Variants in COPS4 observed in about 807,000 individuals in gnomAD.
COPS4 encodes COP9 signalosome subunit 4.
COPS4 carries 8 observed loss-of-function variants against 55.1 expected under a neutral mutation model. The ratio of observed to expected loss-of-function variants is 0.15; its 90% CI spans 0.09 to 0.26. COPS4 has a LOEUF of 0.26. COPS4 is among the 10% of genes least tolerant of loss of function. The pLI is 1.00. For synonymous variants in COPS4, 185 were observed against 165.7 expected (o/e 1.12, Z -0.90); for missense variants, 248 against 484.0 (o/e 0.51, Z 4.58).
intron 6 of COPS4, among the ~76,000 whole-genome samples, chr4:83,062,457 T>C (rs1357388636): frequency 6.6e-6 from 1 of 152,218 alleles, no homozygotes; most frequent in East Asian, 1.9e-4. Context: ...TTTGCAGATA[T>C]GTGCAGGGTG....
chr4:83,061,462 A>G (rs960515424), intron 6 of COPS4, among the ~76,000 whole-genome samples: 1 of 152,084 alleles, frequency 6.6e-6, no homozygotes, highest in Non-Finnish European at 1.5e-5. Flanking sequence ...CTTTTGCTCA[A>G]ATTTATGAAA....
intron 7 of COPS4, chr4:83,065,130 C>T (rs1731264257): frequency 3.1e-6 from 2 of 653,800 alleles, no homozygotes; most frequent in Admixed American, 2.1e-5. Context: ...CCCATCTTGG[C>T]TTCCCAAAGT....
At chr4:83,064,869 C>CTTTTTTTTTTTT (rs140166684) in intron 7 of COPS4, among the ~76,000 whole-genome samples, 59 of 73,628 alleles carry the variant, frequency 8.0e-4, no homozygotes, top group African/African-American at 1.6e-3. Flanking sequence ...TAAGCAGTCC[C>CTTTTTTTTTTTT]TTTTTTTTTT....
At chr4:83,050,214 CTTTATCAAA>C (rs1472488541) in intron 4 of COPS4, among the ~76,000 whole-genome samples, 3 of 152,102 alleles carry the variant, frequency 2.0e-5, no homozygotes, top group African/African-American at 7.2e-5. Context: ...CCTGATGTCA[CTTTATCAAA>C]GACTTGAAGG....
In COPS4 at chr4:83,057,367, C is replaced by T. The variant is rs1731042850; in HGVS notation, c.674C>T (p.Ala225Val). The T allele has an allele frequency of 6.2e-7, 1 of 1,612,664 alleles. No homozygotes were observed. Among genetic ancestry groups the T allele is most frequent in the African/African-American group, 1.3e-5 (1 of 74,824 alleles). ...GTCCACGAAAGTGAAAGACTAGAGG[C>T]CTTAAAACATGCTTTGCACTGTACG... ...TIVHESERLE[A>V]LKHALHCTIL... Residue 225 changes from alanine to valine, a missense_variant, in exon 6 of 10, where the codon GCC becomes GTC. By Grantham distance (64) the Ala-to-Val change is moderately conservative. Coordinates refer to ENST00000264389, the MANE Select transcript of COPS4 (RefSeq NM_016129.3).
At chr4:83,061,047 A>AG (rs1491121077) in intron 6 of COPS4, among the ~76,000 whole-genome samples, 2 of 150,882 alleles carry the variant, frequency 1.3e-5, no homozygotes, top group East Asian at 3.9e-4. Context: ...AAAAAAAATA[A>AG]TAATAATAAT....
At chr4:83,037,726 G>T (rs1020834743) in intron 1 of COPS4, among the ~76,000 whole-genome samples, 1 of 151,978 alleles carries the variant, frequency 6.6e-6, no homozygotes, top group Non-Finnish European at 1.5e-5. Flanking sequence ...AGTAACAAAG[G>T]ATTCCATATT....
At chr4:83,067,622 C>A (rs2126134384) in intron 8 of COPS4, among the ~76,000 whole-genome samples, 1 of 151,918 alleles carries the variant, frequency 6.6e-6, no homozygotes, top group Admixed American at 6.6e-5. Flanking sequence ...CTTCGGCCTC[C>A]CAAAGTGCTG....
intron 9 of COPS4, among the ~76,000 whole-genome samples, chr4:83,071,088 A>G (rs1731418486): frequency 6.6e-6 from 1 of 152,104 alleles, no homozygotes; most frequent in Non-Finnish European, 1.5e-5. Flanking sequence ...GCTTTAAATT[A>G]TATATTCTCA....
intron 4 of COPS4, among the ~76,000 whole-genome samples, chr4:83,055,598 T>C (rs1398174571): frequency 1.3e-5 from 2 of 151,880 alleles, no homozygotes; most frequent in Non-Finnish European, 2.9e-5. Context: ...CATGTGCCTC[T>C]ATGCCTGGCT....
chr4:83,059,867 A>AT (rs1283218365), intron 6 of COPS4, among the ~76,000 whole-genome samples: 2 of 151,494 alleles, frequency 1.3e-5, no homozygotes, highest in Non-Finnish European at 2.9e-5. Context: ...CACCTGGCTA[A>AT]TTTTTTGTAT....
intron 4 of COPS4, among the ~76,000 whole-genome samples, chr4:83,052,702 C>G (rs989182646): frequency 4.6e-5 from 7 of 152,036 alleles, no homozygotes; most frequent in African/African-American, 1.7e-4. Flanking sequence ...TGTCCGTCTC[C>G]TAGCATCCCA....
At chr4:83,042,694 C>T (rs1279819412) in intron 1 of COPS4, among the ~76,000 whole-genome samples, 1 of 152,034 alleles carries the variant, frequency 6.6e-6, no homozygotes, top group Non-Finnish European at 1.5e-5. Flanking sequence ...CCTCCACCTC[C>T]TGGGCTCAGG....
intron 1 of COPS4, among the ~76,000 whole-genome samples, chr4:83,043,724 G>A (rs1578704179): frequency 1.3e-5 from 2 of 151,932 alleles, no homozygotes; most frequent in East Asian, 3.8e-4. Context: ...ACAAACCATT[G>A]AATGTATAAC....
chr4:83,036,098 A>G (rs955683631), intron 1 of COPS4: 1 of 152,212 alleles, frequency 6.6e-6, no homozygotes, highest in Admixed American at 6.5e-5. Flanking sequence ...TGTAATGAAC[A>G]TGCTTTCTGT....
At chr4:83,071,122 AATTTATTTTAGT>A (rs1213589362) in intron 9 of COPS4, among the ~76,000 whole-genome samples, 3 of 152,104 alleles carry the variant, frequency 2.0e-5, no homozygotes, top group Non-Finnish European at 4.4e-5. Flanking sequence ...TTCTTCCTAG[AATTTATTTTAGT>A]TATTTTCAGT....
At chr4:83,055,036 A>G (rs1730981305) in intron 4 of COPS4, among the ~76,000 whole-genome samples, 1 of 152,270 alleles carries the variant, frequency 6.6e-6, no homozygotes, top group Admixed American at 6.5e-5. Flanking sequence ...GCAAGGAATA[A>G]ATTTGCATAA....
Position 83,075,425 on chromosome 4 carries a change from C to T in COPS4, c.1216C>T (p.Gln406Ter). Residue 406 changes from glutamine to a stop codon, truncating the protein, a stop_gained, in exon 10 of 10, where the codon CAG becomes TAG. Transcript: ENST00000264389. LOFTEE classifies it high-confidence loss of function. ...TAQAMEAQMA[Q>*] is the part of the protein sequence containing the mutation. ...ACAAGCCATGGAAGCCCAGATGGCT[C>T]AGTGAATCCTTGCAGAACTTCTGTG... 6.2e-7 allele frequency: 1 copy of T among 1,613,988 alleles called. No homozygotes were observed. The highest frequency in any genetic ancestry group is 1.3e-5 in the African/African-American group (1 of 75,050).
intron 4 of COPS4, 134 bp downstream of exon 4, chr4:83,050,118 A>G: frequency 3.5e-6 from 2 of 567,096 alleles, no homozygotes; most frequent in Admixed American, 3.5e-5. Flanking sequence ...TTAGAAGGTG[A>G]TAAGTGCTGT....
Sources: gnomAD v4.1 joint callset for allele counts (sites outside exome capture counted in the v4.1 genomes callset) on GRCh38, gnomAD v4.1.1 for gene constraint, MANE v1.5 for transcripts, NCBI Gene and HGNC (gene_info 2026-07-23, HGNC 2026-07-21) for gene names.